The following RNF144A variants were observed in gnomAD, a reference collection of about 807,000 sequenced individuals.
RNF144A encodes E3 ubiquitin-protein ligase RNF144A.
RNF144A carries 11 observed loss-of-function variants against 38.7 expected under a neutral mutation model. The ratio of observed to expected loss-of-function variants is 0.28; its 90% CI spans 0.18 to 0.47. The LOEUF is 0.47. Among genes scored for constraint, RNF144A ranks in the 20% least tolerant of loss-of-function variants. The pLI is 0.99. For synonymous variants in RNF144A, 149 were observed against 143.9 expected (o/e 1.04, Z -0.25); for missense variants, 316 against 377.2 (o/e 0.84, Z 1.34).
chr2:7,076,011 A>G, the RNF144A span, among the ~76,000 whole-genome samples: 5 of 152,180 alleles, frequency 3.3e-5, no homozygotes, highest in Non-Finnish European at 5.9e-5. Flanking sequence ...AACTATAATT[A>G]TTGCATCATG....
chr2:7,042,202 C>T lies in RNF144A; in HGVS notation c.*2442C>T. 1 of 985,326 alleles carries T rather than the reference C, an allele frequency of 1.0e-6. No homozygotes were observed. Among genetic ancestry groups the T allele is most frequent in the Non-Finnish European group, 1.2e-6 (1 of 829,876 alleles). The allele number at this position is 985,326 out of a possible 1,614,324, so 61.0% of individuals were successfully genotyped here. ...TTTCCTTCTGTTTTAGTAAGGAGTGCCAGACTTATCTTTGATGGGAATACA... is the reference window on the plus strand; with the variant it reads ...TTTCCTTCTGTTTTAGTAAGGAGTGTCAGACTTATCTTTGATGGGAATACA... On this transcript the variant is annotated 3_prime_UTR_variant, in exon 9 of 9. Coordinates refer to ENST00000320892, the MANE Select transcript of RNF144A (RefSeq NM_014746.6).
intron 2 of RNF144A, among the ~76,000 whole-genome samples, chr2:6,952,054 G>A (rs566341631): frequency 6.6e-6 from 1 of 151,994 alleles, no homozygotes; most frequent in Non-Finnish European, 1.5e-5. Flanking sequence ...ATGTCATTAG[G>A]TTAAGGAAAT....
At chr2:7,055,432 C>T (rs1055132858) in intron 6 of RNF144A, among the ~76,000 whole-genome samples, 14 of 152,188 alleles carry the variant, frequency 9.2e-5, no homozygotes, top group Non-Finnish European at 1.3e-4. Flanking sequence ...CCTGCAGCTC[C>T]ATAACTTAGT....
At chr2:6,955,247 C>T (rs1202310407) in intron 2 of RNF144A, among the ~76,000 whole-genome samples, 1 of 152,094 alleles carries the variant, frequency 6.6e-6, no homozygotes, top group Non-Finnish European at 1.5e-5. Flanking sequence ...ATCCATTTTC[C>T]AGAGGAAGTC....
At position 7,042,569 on chromosome 2, in the gene RNF144A, C is replaced by G. The variant is rs541807758; in HGVS notation, c.*2809C>G. 1 of 985,552 alleles carries G rather than the reference C, an allele frequency of 1.0e-6. No individual in the cohort carries two copies. The highest frequency in any genetic ancestry group is 1.7e-5 in the African/African-American group (1 of 57,362). 61.1% of individuals were successfully genotyped at this position (985,552 alleles called of 1,614,324 possible). A position where few individuals can be genotyped will look rare whatever the true frequency, so the allele number is the denominator to read the frequency against. ...TGGCCTTAGCCCAGTGGACCTGTGG[C>G]TTCTCTGAGGCCCTTGAGTAACTGA... On this transcript the variant is annotated 3_prime_UTR_variant, in exon 9 of 9. Transcript: ENST00000320892.
At chr2:6,955,575 T>G (rs1265930861) in intron 2 of RNF144A, among the ~76,000 whole-genome samples, 1 of 152,160 alleles carries the variant, frequency 6.6e-6, no homozygotes, top group Non-Finnish European at 1.5e-5. Flanking sequence ...AATTAGGAAG[T>G]GTCTGGTGCA....
At chr2:7,019,124 A>G (rs1369859072) in intron 5 of RNF144A, among the ~76,000 whole-genome samples, 2 of 152,180 alleles carry the variant, frequency 1.3e-5, no homozygotes, top group Non-Finnish European at 2.9e-5. Context: ...CTGCAGAGGA[A>G]GTTTGCCAGC....
chr2:7,062,279 G>A (rs531675173), intron 6 of RNF144A, among the ~76,000 whole-genome samples: 11 of 152,248 alleles, frequency 7.2e-5, no homozygotes, highest in African/African-American at 1.9e-4. Flanking sequence ...GTCTGGGCTT[G>A]AAACTTACAT....
At chr2:6,928,757 C>G (rs1317335998) in intron 1 of RNF144A, among the ~76,000 whole-genome samples, 1 of 152,204 alleles carries the variant, frequency 6.6e-6, no homozygotes, top group African/African-American at 2.4e-5. Flanking sequence ...GCTCCAAGGC[C>G]TCCTATCACC....
chr2:7,002,353 A>T (rs1470346739), intron 3 of RNF144A, among the ~76,000 whole-genome samples: 1 of 152,210 alleles, frequency 6.6e-6, no homozygotes, highest in Non-Finnish European at 1.5e-5. Flanking sequence ...CATTAGATGC[A>T]GGTGTGGGCT....
Position 7,027,023 on chromosome 2 carries a change from G to A in RNF144A, c.657+2507G>A, listed in dbSNP as rs578204283. Among the ~76,000 whole-genome samples the A allele has an allele frequency of 5.9e-5, 9 of 152,316 alleles. No homozygotes were observed. In the South Asian group the frequency reaches 1.0e-3, roughly 18 times the overall value. ...ACCAAAGACATTAACAGTGATTTACGACAAGCACATAAATGCACGGCCTGA... is the reference window on the plus strand; with the variant it reads ...ACCAAAGACATTAACAGTGATTTACAACAAGCACATAAATGCACGGCCTGA... On this transcript the variant is annotated intron_variant, in intron 7 of 8. Coordinates refer to ENST00000320892, the MANE Select transcript of RNF144A (RefSeq NM_014746.6).
intron 1 of RNF144A, among the ~76,000 whole-genome samples, chr2:6,922,774 G>A (rs542375463): frequency 2.0e-5 from 3 of 152,078 alleles, no homozygotes; most frequent in South Asian, 2.1e-4. Context: ...ACAGGCGCCC[G>A]CCGCCACACC....
chr2:7,069,858 TA>T (rs1463624424), downstream of RNF144A, among the ~76,000 whole-genome samples: 2 of 152,214 alleles, frequency 1.3e-5, no homozygotes, highest in Non-Finnish European at 2.9e-5. Flanking sequence ...GTGAAATAGT[TA>T]AAAAGTTTGT....
At position 6,943,783 on chromosome 2, in the gene RNF144A, T is replaced by C. The variant is rs528396461; in HGVS notation, c.-12+2636T>C. On this transcript the variant is annotated intron_variant, in intron 2 of 8. Coordinates refer to ENST00000320892, the MANE Select transcript of RNF144A (RefSeq NM_014746.6). The surrounding 1 kb of genome is among the most constrained non-coding windows in gnomAD (Gnocchi z 4.3). ...TGATTACCGACCTTTCTTTGTGAAA[T>C]GGGAGTCAAAGCCAGCATCTGAGCA... Among the ~76,000 whole-genome samples, 4 of 151,928 alleles carry C rather than the reference T, an allele frequency of 2.6e-5. No individual in the cohort carries two copies. Among genetic ancestry groups the C allele is most frequent in the Non-Finnish European group, 5.9e-5 (4 of 68,000 alleles).
intron 1 of RNF144A, among the ~76,000 whole-genome samples, chr2:6,927,302 C>T (rs1190634320): frequency 6.6e-6 from 1 of 152,204 alleles, no homozygotes; most frequent in Non-Finnish European, 1.5e-5. Flanking sequence ...CCGAGGGAAG[C>T]ATTTCTTATC....
chr2:6,987,217 A>G (rs1320201415), intron 2 of RNF144A, among the ~76,000 whole-genome samples: 1 of 152,112 alleles, frequency 6.6e-6, no homozygotes, highest in African/African-American at 2.4e-5. Flanking sequence ...ATGAATAGCA[A>G]TTGTTTTCCA....
chr2:6,991,748 A>G (rs1363671133), intron 2 of RNF144A, among the ~76,000 whole-genome samples: 1 of 152,206 alleles, frequency 6.6e-6, no homozygotes, highest in Non-Finnish European at 1.5e-5. Context: ...TGTACATTTA[A>G]CAGTCTCTCT....
chr2:7,056,511 C>T lies in RNF144A; in HGVS notation c.735-11705C>T, dbSNP rs959570901. Among the ~76,000 whole-genome samples, 9 of 152,224 alleles carry T rather than the reference C, an allele frequency of 5.9e-5. No homozygotes were observed. In the South Asian group the frequency reaches 1.4e-3, roughly 25 times the overall value. ...CTTGAGTACTTCAGCCACACACCAA[C>T]CATCCCTCCTCAGCCCACCCACCAT... On this transcript the variant is annotated intron_variant, in intron 6 of 6. Coordinates refer to the RNF144A transcript ENST00000432850.
In RNF144A at chr2:7,009,470, C is replaced by T. The variant is rs78640503; in HGVS notation, c.136-4984C>T. 1.6e-3 allele frequency among the ~76,000 whole-genome samples: 248 copies of T among 151,186 alleles called. 1 individual carries two copies. The highest frequency in any genetic ancestry group is 5.5e-3 in the African/African-American group (225 of 41,212). The stretch of plus-strand genomic sequence containing the variant: ...ACAGGAGGCGGCGGGTCTAAAGGCT[C>T]GACAGAAGCAAGAACTCATATAGAT... On this transcript the variant is annotated intron_variant, in intron 3 of 8. Coordinates refer to ENST00000320892, the MANE Select transcript of RNF144A (RefSeq NM_014746.6).
Sources: allele counts gnomAD v4.1 joint callset (sites outside exome capture counted in the v4.1 genomes callset), GRCh38; gene constraint gnomAD v4.1.1; non-coding constraint Gnocchi (gnomAD v3.1); transcripts MANE v1.5; gene names NCBI Gene and HGNC (gene_info 2026-07-23, HGNC 2026-07-21).